Variants in IL13RA2 observed in about 807,000 individuals in gnomAD.
IL13RA2 encodes the protein interleukin-13 receptor subunit alpha-2.
In IL13RA2, 25 loss-of-function variants were observed where a neutral mutation model predicts 34.1. The ratio of observed to expected loss-of-function variants is 0.73; its 90% CI spans 0.53 to 1.03. The LOEUF (loss-of-function observed/expected upper bound fraction) is 1.03. IL13RA2 is among the 50% of genes least tolerant of loss of function. IL13RA2 has a pLI of 0.00. For missense variants in IL13RA2, 297 were observed against 280.9 expected, an observed-to-expected ratio of 1.06 and a Z score of -0.41; for synonymous variants, 106 against 100.4, an observed-to-expected ratio of 1.06 and a Z score of -0.33.
rs370656765 is a variant in IL13RA2 at position 115,005,223 on chromosome X, G to A, written c.1090C>T (p.Arg364Cys). Residue 364 changes from arginine to cysteine, a missense_variant, in exon 9 of 10, where the codon CGT becomes TGT. By Grantham distance (180) the Arg-to-Cys change is radical. Transcript: ENST00000243213. The stretch of plus-strand genomic sequence containing the variant: ...ATTTTTGGGTAGGTGTTTGGCTTAC[G>A]CAAAAGCAGACCGGTTACAAATATA... ...LVIFVTGLLL[R>C]KPNTYPKMIP... 18 of 1,065,045 alleles carry A rather than the reference G, an allele frequency of 1.7e-5. No individual in the cohort carries two copies. Among genetic ancestry groups the A allele is most frequent in the African/African-American group, 9.1e-5 (5 of 54,675 alleles). 87.8% of individuals were successfully genotyped at this position (1,065,045 alleles called of 1,213,427 possible).
chrX:115,016,693 A>T (rs980304520), intron 2 of IL13RA2, among the ~76,000 whole-genome samples: 4 of 106,974 alleles, frequency 3.7e-5, no homozygotes, highest in Non-Finnish European at 7.7e-5. Flanking sequence ...TAATTAATTA[A>T]TAATAAAACA....
chrX:115,004,542 G>T, intron 9 of IL13RA2, among the ~76,000 whole-genome samples: 1 of 108,413 alleles, frequency 9.2e-6, no homozygotes, highest in African/African-American at 3.4e-5. Flanking sequence ...TAGATACCAA[G>T]GCTGCAGTGA....
intron 8 of IL13RA2, among the ~76,000 whole-genome samples, chrX:115,005,718 A>C (rs1439390966): frequency 8.9e-6 from 1 of 112,091 alleles, no homozygotes; most frequent in Non-Finnish European, 1.9e-5. Context: ...AGATCATAGG[A>C]TACTGTACCA....
intron 8 of IL13RA2, among the ~76,000 whole-genome samples, chrX:115,005,801 G>A (rs782704656): frequency 8.9e-6 from 1 of 112,032 alleles, no homozygotes; most frequent in African/African-American, 3.2e-5. Context: ...CCTTTTTAAA[G>A]TTGTCTCATA....
intron 9 of IL13RA2, among the ~76,000 whole-genome samples, chrX:115,004,948 G>A (rs1461286112): frequency 8.9e-6 from 1 of 112,210 alleles, no homozygotes; most frequent in East Asian, 2.8e-4. Flanking sequence ...CTAATCTAGG[G>A]CCAAATAGTA....
At chrX:115,009,877 G>C (rs1342843305) in intron 6 of IL13RA2, among the ~76,000 whole-genome samples, 1 of 111,770 alleles carries the variant, frequency 8.9e-6, no homozygotes, top group Admixed American at 9.5e-5. Context: ...ACTCATTTTT[G>C]ACAAGTCACC....
chrX:115,015,252 C>A (rs1294265439), intron 3 of IL13RA2, among the ~76,000 whole-genome samples: 1 of 111,291 alleles, frequency 9.0e-6, no homozygotes, highest in Non-Finnish European at 1.9e-5. Flanking sequence ...ATACAACGAA[C>A]CATAATCCTG....
intron 8 of IL13RA2, among the ~76,000 whole-genome samples, chrX:115,005,922 A>T (rs782011505): frequency 8.9e-5 from 10 of 112,211 alleles, no homozygotes; most frequent in Non-Finnish European, 1.5e-4. Flanking sequence ...ATGAGCAATC[A>T]CTAGGCAAAC....
In IL13RA2 at chrX:115,010,766, A is replaced by G; in HGVS notation, c.584T>C (p.Ile195Thr). 2 of 1,130,366 alleles carry G rather than the reference A, an allele frequency of 1.8e-6. No individual in the cohort carries two copies. Among genetic ancestry groups the G allele is most frequent in the Non-Finnish European group, 1.2e-6 (1 of 828,080 alleles). The allele number at this position is 1,130,366 out of a possible 1,213,427, so 93.2% of individuals were successfully genotyped here. A position where few individuals can be genotyped will look rare whatever the true frequency, so the allele number is the denominator to read the frequency against. The change falls in exon 6 of 10, where the codon ATA becomes ACA. Residue 195 changes from isoleucine to threonine, a missense_variant. Ile to Thr is a moderately conservative substitution (Grantham distance 89). Transcript: ENST00000243213. ...VDYIKADGQN[I>T]GCRFPYLEAS... ...CTCCAAATAGGGAAATCTGCATCCT[A>G]TATTTTGTCCATCAGCCTTGATGTA...
Position 115,004,075 on chromosome X carries a change from A to G in IL13RA2, c.*5T>C. Reference sequence around the variant, plus strand: ...CAATACCATGTCTCTTGATATGGAAAGTCTTCATGTATCACAGAAAAATTC... The same window carrying G: ...CAATACCATGTCTCTTGATATGGAAGGTCTTCATGTATCACAGAAAAATTC... On this transcript the variant is annotated 3_prime_UTR_variant, in exon 10 of 10. Transcript: ENST00000243213. 1 of 1,053,197 alleles carries G rather than the reference A, an allele frequency of 9.5e-7. No individual in the cohort carries two copies. Among genetic ancestry groups the G allele is most frequent in the Non-Finnish European group, 1.3e-6 (1 of 754,910 alleles). 86.8% of individuals were successfully genotyped at this position (1,053,197 alleles called of 1,213,427 possible).
chrX:115,010,098 A>G (rs1298041814), intron 6 of IL13RA2, among the ~76,000 whole-genome samples: 2 of 111,648 alleles, frequency 1.8e-5, no homozygotes, highest in Non-Finnish European at 3.8e-5. Flanking sequence ...CAATAAACCT[A>G]TCAGGTGGTC....
chrX:115,013,771 G>A lies in IL13RA2; in HGVS notation c.519C>T (p.Tyr173=), dbSNP rs781986150. The change falls in exon 5 of 10, where the codon TAC becomes TAT. Residue 173 remains tyrosine (Y), a splice_region_variant and synonymous_variant. Transcript: ENST00000243213. The part of the protein sequence containing the change: ...VLLDTNYNLF[Y]WYEGLDHALQ... ...ATTCTAATTATAAAAATACTTACCA[G>A]TAAAACAAGTTGTAATTGGTATCAA... 6.8e-6 allele frequency: 7 copies of A among 1,033,748 alleles called. No individual in the cohort carries two copies. The highest frequency in any genetic ancestry group is 1.9e-5 in the African/African-American group (1 of 53,167). The allele number at this position is 1,033,748 out of a possible 1,213,427, so 85.2% of individuals were successfully genotyped here.
At chrX:115,009,459 A>G in intron 7 of IL13RA2, 62 bp downstream of exon 7, 1 of 974,998 alleles carries the variant, frequency 1.0e-6, no homozygotes. Context: ...TGGTTCTCAC[A>G]TTTGCTATTT....
At chrX:115,004,925 C>T (rs997797106) in intron 9 of IL13RA2, among the ~76,000 whole-genome samples, 92 of 112,141 alleles carry the variant, frequency 8.2e-4, no homozygotes, top group Middle Eastern at 4.3e-3. Context: ...TAACTCTTTC[C>T]GTATACCATT....
chrX:115,017,284 A>G lies in IL13RA2; in HGVS notation c.-15T>C. On this transcript the variant is annotated 5_prime_UTR_variant, in exon 2 of 10. Transcript: ENST00000243213. Reference sequence around the variant, plus strand: ...ACGAAAGCCATTTCTCCGAGATTTAAAACCTTGATATTGCCTCTCTATGAA... The same window carrying G: ...ACGAAAGCCATTTCTCCGAGATTTAGAACCTTGATATTGCCTCTCTATGAA... The G allele has an allele frequency of 1.4e-6, 1 of 698,644 alleles. No individual in the cohort carries two copies. The highest frequency in any genetic ancestry group is 2.3e-5 in the Admixed American group (1 of 43,852). The allele number at this position is 698,644 out of a possible 1,213,427, so 57.6% of individuals were successfully genotyped here.
intron 3 of IL13RA2, among the ~76,000 whole-genome samples, chrX:115,014,962 C>A (rs782243164): frequency 9.0e-6 from 1 of 111,520 alleles, no homozygotes. Flanking sequence ...AATACATAAA[C>A]TAAAACCCTG....
rs782655851 is a variant in IL13RA2, at chrX:115,017,468, A to G, written c.-34+85T>C. Reference sequence around the variant, plus strand: ...ACAGAAATAATCAAGTTAGGAACCAATATAATTGGAAAGAAAGGATTCTAG... The same window carrying G: ...ACAGAAATAATCAAGTTAGGAACCAGTATAATTGGAAAGAAAGGATTCTAG... On this transcript the variant is annotated intron_variant, in intron 1 of 9. Transcript: ENST00000243213. 2.0e-5 allele frequency: 7 copies of G among 356,691 alleles called. No homozygotes were observed. In the East Asian group the frequency reaches 3.8e-4, roughly 20 times the overall value. 29.4% of individuals were successfully genotyped at this position (356,691 alleles called of 1,213,427 possible). A position where few individuals can be genotyped will look rare whatever the true frequency, so the allele number is the denominator to read the frequency against.
At chrX:115,012,173 G>A (rs2071708225) in intron 5 of IL13RA2, among the ~76,000 whole-genome samples, 1 of 111,908 alleles carries the variant, frequency 8.9e-6, no homozygotes, top group African/African-American at 3.3e-5. Flanking sequence ...ATGATAATTT[G>A]GAACTAGAAC....
At chrX:115,014,298 T>C in intron 4 of IL13RA2, 123 bp downstream of exon 4, 1 of 524,035 alleles carries the variant, frequency 1.9e-6, no homozygotes, top group South Asian at 4.4e-5. Context: ...AGAAAGATTC[T>C]ATTTTGTGCC....
Sources: allele counts gnomAD v4.1 joint callset (sites outside exome capture counted in the v4.1 genomes callset), GRCh38; gene constraint gnomAD v4.1.1; transcripts MANE v1.5; gene names NCBI Gene and HGNC (gene_info 2026-07-23, HGNC 2026-07-21).